The following RGS6 variants were observed in gnomAD, a reference collection of about 807,000 sequenced individuals.
The protein encoded by RGS6 is regulator of G-protein signaling 6.
RGS6 carries 30 observed loss-of-function variants against 78.5 expected under a neutral mutation model. The ratio of observed to expected loss-of-function variants is 0.38; its 90% CI spans 0.29 to 0.52. RGS6 has a LOEUF of 0.52. RGS6 is among the 20% of genes least tolerant of loss of function. The pLI is 0.85. For missense variants in RGS6, 495 were observed against 609.7 expected (o/e 0.81, Z 1.98); for synonymous variants, 206 against 206.0 (o/e 1.00, Z 0.00).
chr14:72,513,713 C>T (rs1248026764), intron 14 of RGS6, among the ~76,000 whole-genome samples: 1 of 152,240 alleles, frequency 6.6e-6, no homozygotes, highest in African/African-American at 2.4e-5. Flanking sequence ...CCCTCTCCCA[C>T]ATCTCCCCTA....
intron 2 of RGS6, among the ~76,000 whole-genome samples, chr14:72,156,469 A>G (rs865941130): frequency 1.3e-5 from 2 of 151,752 alleles, no homozygotes; most frequent in Non-Finnish European, 1.5e-5. Flanking sequence ...AAAAAAAAAA[A>G]AAAAAAAAAT....
At chr14:72,248,154 A>T (rs2054702492) in intron 2 of RGS6, among the ~76,000 whole-genome samples, 1 of 152,218 alleles carries the variant, frequency 6.6e-6, no homozygotes. Flanking sequence ...TGTAAGGTCA[A>T]ATTATTTTTA....
At chr14:72,463,992 C>A (rs1424759137) in intron 6 of RGS6, among the ~76,000 whole-genome samples, 2 of 152,290 alleles carry the variant, frequency 1.3e-5, no homozygotes, top group East Asian at 3.9e-4. Flanking sequence ...CATTTGACAG[C>A]CTTGTGAAGT....
intron 17 of RGS6, among the ~76,000 whole-genome samples, chr14:72,543,269 C>T (rs527870319): frequency 6.6e-6 from 1 of 152,326 alleles, no homozygotes; most frequent in Admixed American, 6.5e-5. Flanking sequence ...AAAACACAGG[C>T]TGGGTTTCAG....
chr14:71,881,858 T>C, the RGS6 span, among the ~76,000 whole-genome samples: 350 of 152,282 alleles, frequency 2.3e-3, 2 homozygotes, highest in African/African-American at 8.2e-3. Context: ...TCTGTCTGTT[T>C]GTCTTTCTTC....
intron 3 of RGS6, among the ~76,000 whole-genome samples, chr14:72,411,162 G>T (rs973905591): frequency 1.3e-5 from 2 of 152,132 alleles, no homozygotes; most frequent in African/African-American, 4.8e-5. Flanking sequence ...ACCTTGGGCG[G>T]TATGGCCATT....
intron 2 of RGS6, among the ~76,000 whole-genome samples, chr14:71,971,923 T>G (rs1040510242): frequency 2.7e-5 from 4 of 150,758 alleles, no homozygotes; most frequent in South Asian, 2.1e-4. Flanking sequence ...TTTTTTTTTT[T>G]TTTTTTTTTT....
chr14:72,450,965 A>G (rs114490153), intron 3 of RGS6, among the ~76,000 whole-genome samples: 2,351 of 152,294 alleles, frequency 0.015, 62 homozygotes, highest in African/African-American at 0.053. Flanking sequence ...TGCACACACA[A>G]TGATTTACTC....
chr14:72,248,113 C>T (rs1464052951), intron 2 of RGS6, among the ~76,000 whole-genome samples: 1 of 152,090 alleles, frequency 6.6e-6, no homozygotes, highest in African/African-American at 2.4e-5. Flanking sequence ...CCAGGGACTC[C>T]CAGGAGTCCT....
chr14:72,522,070 G>C (rs1463697318), intron 15 of RGS6, among the ~76,000 whole-genome samples: 1 of 152,150 alleles, frequency 6.6e-6, no homozygotes, highest in East Asian at 1.9e-4. Flanking sequence ...TGCTCAGGCT[G>C]CTACCACAAA....
intron 3 of RGS6, among the ~76,000 whole-genome samples, chr14:72,368,976 GGAA>G (rs1270251016): frequency 2.6e-5 from 4 of 152,046 alleles, no homozygotes; most frequent in Non-Finnish European, 4.4e-5. Context: ...GGGCCACACT[GGAA>G]GAAGAATTCT....
At chr14:71,972,038 G>C (rs141509210) in intron 2 of RGS6, among the ~76,000 whole-genome samples, 3,004 of 151,140 alleles carry the variant, frequency 0.02, 99 homozygotes, top group African/African-American at 0.068. Context: ...TAAGTTCTAG[G>C]GTACATGTGC....
the RGS6 span, among the ~76,000 whole-genome samples, chr14:71,910,387 C>T: frequency 6.6e-6 from 1 of 152,168 alleles, no homozygotes; most frequent in Non-Finnish European, 1.5e-5. Context: ...CCCATAGTTT[C>T]CTACCTTTGA....
At chr14:72,557,676 C>T (rs1437369881) in intron 17 of RGS6, among the ~76,000 whole-genome samples, 4 of 152,226 alleles carry the variant, frequency 2.6e-5, no homozygotes, top group Non-Finnish European at 5.9e-5. Flanking sequence ...CTCTCTGGGG[C>T]CTCCACTTCT....
chr14:72,576,110 C>T, the RGS6 span, among the ~76,000 whole-genome samples: 54 of 152,356 alleles, frequency 3.5e-4, no homozygotes, highest in East Asian at 1.3e-3. Context: ...ACACCAAATT[C>T]GCATCTCCTT....
chr14:72,388,905 C>T (rs533949488), intron 3 of RGS6, among the ~76,000 whole-genome samples: 12 of 152,262 alleles, frequency 7.9e-5, no homozygotes, highest in Admixed American at 6.5e-5. Flanking sequence ...CATTTGAAAG[C>T]GTGTCTGCCC....
intron 5 of RGS6, 37 bp downstream of exon 5, chr14:72,458,414 C>A (rs1370796168): frequency 2.1e-6 from 3 of 1,438,608 alleles, no homozygotes; most frequent in South Asian, 2.3e-5. Context: ...AGAACCTTTT[C>A]TTCACAACAT....
chr14:71,932,092 A>T (rs996255084), upstream of RGS6, among the ~76,000 whole-genome samples: 3 of 152,174 alleles, frequency 2.0e-5, no homozygotes, highest in Non-Finnish European at 4.4e-5. Flanking sequence ...GGACCGGGCC[A>T]GTTTGGAATT....
intron 1 of RGS6, among the ~76,000 whole-genome samples, chr14:71,953,357 G>A (rs1017001393): frequency 6.6e-6 from 1 of 152,202 alleles, no homozygotes; most frequent in African/African-American, 2.4e-5. Flanking sequence ...CAATTCTGCT[G>A]TTGTGGCACA....
Sources: allele counts gnomAD v4.1 joint callset (sites outside exome capture counted in the v4.1 genomes callset), GRCh38; gene constraint gnomAD v4.1.1; transcripts MANE v1.5; gene names NCBI Gene and HGNC (gene_info 2026-07-23, HGNC 2026-07-21).